EPB41L3: variants seen among roughly 807,000 people sequenced by gnomAD.
The protein encoded by EPB41L3 is erythrocyte membrane protein band 4.1 like 3.
A neutral mutation model predicts 127.1 loss-of-function variants in EPB41L3; 57 were observed. The ratio of observed to expected loss-of-function variants is 0.45; its 90% CI spans 0.36 to 0.56. The LOEUF is 0.56. Among genes scored for constraint, EPB41L3 ranks in the 20% least tolerant of loss-of-function variants. EPB41L3 has a pLI of 0.00. For missense variants in EPB41L3, 1,273 were observed against 1,372.2 expected (o/e 0.93, Z 1.14); for synonymous variants, 572 against 549.5 (o/e 1.04, Z -0.57).
intron 16 of EPB41L3, among the ~76,000 whole-genome samples, chr18:5,402,283 CCT>C (rs2074626028): frequency 6.7e-6 from 1 of 150,142 alleles, no homozygotes; most frequent in African/African-American, 2.4e-5. Context: ...TGTTTCTTTT[CCT>C]TTTTTTTTTG....
chr18:5,520,867 G>A (rs184653782), intron 1 of EPB41L3, among the ~76,000 whole-genome samples: 93 of 152,248 alleles, frequency 6.1e-4, no homozygotes, highest in African/African-American at 2.1e-3. Context: ...TTTAATACAA[G>A]AAACCTTTAA....
rs1162122623 is a variant in EPB41L3 at position 5,464,263 on chromosome 18, C to T, written c.381+13978G>A. 9.2e-5 allele frequency among the ~76,000 whole-genome samples: 14 copies of T among 152,142 alleles called. 1 individual carries two copies. The highest frequency in any genetic ancestry group is 9.2e-4 in the Admixed American group (14 of 15,268). On this transcript the variant is annotated intron_variant, in intron 3 of 22. Transcript: ENST00000341928. ...TACCTCTACAGGGATAGTCAGCTAA[C>T]ATTTTCTAACAATTAATATCTACCT... is the stretch of plus-strand genomic sequence containing the variant.
intron 3 of EPB41L3, among the ~76,000 whole-genome samples, chr18:5,455,295 A>G (rs1599159800): frequency 8.3e-6 from 1 of 119,906 alleles, no homozygotes; most frequent in African/African-American, 3.0e-5. Flanking sequence ...TACTCTTACG[A>G]AAAAAAAAAA....
At chr18:5,450,343 T>C (rs2082125077) in intron 3 of EPB41L3, among the ~76,000 whole-genome samples, 2 of 152,092 alleles carry the variant, frequency 1.3e-5, no homozygotes, top group Admixed American at 1.3e-4. Flanking sequence ...CTATGGACCT[T>C]AGTCAACAAT....
At chr18:5,456,734 T>G (rs1227741768) in intron 3 of EPB41L3, among the ~76,000 whole-genome samples, 1 of 152,242 alleles carries the variant, frequency 6.6e-6, no homozygotes, top group African/African-American at 2.4e-5. Context: ...CATTCCTCTA[T>G]CAGGGCATCC....
At chr18:5,474,882 T>C (rs1159711746) in intron 3 of EPB41L3, among the ~76,000 whole-genome samples, 1 of 152,212 alleles carries the variant, frequency 6.6e-6, no homozygotes, top group African/African-American at 2.4e-5. Flanking sequence ...ACCTACAGTT[T>C]CTACGGGAAC....
chr18:5,396,305 T>C lies in EPB41L3; in HGVS notation c.2869A>G (p.Ser957Gly). The change falls in exon 19 of 23, where the codon AGT (serine) becomes GGT (glycine). Residue 957 changes from serine to glycine, a missense_variant. Ser to Gly is a moderately conservative substitution (Grantham distance 56, BLOSUM62 0). Transcript: ENST00000341928. ...CCTCCCGGTGAAACACTGCCAAAAC[T>C]GATGGTTTCCGTCTTCACCGTTGAG... ...ESSTVKTETISFGSVSPGGVK... is the reference protein window; with the variant it reads ...ESSTVKTETIGFGSVSPGGVK... 1.2e-6 allele frequency: 2 copies of C among 1,614,222 alleles called. No homozygotes were observed. Among genetic ancestry groups the C allele is most frequent in the East Asian group, 2.2e-5 (1 of 44,884 alleles).
chr18:5,476,851 G>C (rs8095557), intron 3 of EPB41L3, among the ~76,000 whole-genome samples: 1,805 of 152,218 alleles, frequency 0.012, 31 homozygotes, highest in African/African-American at 0.041. Flanking sequence ...CCTAAGAAAT[G>C]AAACAAAATC....
intron 3 of EPB41L3, among the ~76,000 whole-genome samples, 191 bp downstream of exon 3, chr18:5,478,050 A>T (rs1386473479): frequency 6.6e-6 from 1 of 152,156 alleles, no homozygotes; most frequent in Non-Finnish European, 1.5e-5. Context: ...TGATTGTAAC[A>T]TTTTGGGACA....
chr18:5,467,798 G>A (rs1191392244), intron 3 of EPB41L3, among the ~76,000 whole-genome samples: 2 of 152,174 alleles, frequency 1.3e-5, no homozygotes, highest in African/African-American at 2.4e-5. Flanking sequence ...GTGGTGGCCT[G>A]ACTGGAGTGG....
chr18:5,475,588 T>C (rs2087016227), intron 3 of EPB41L3, among the ~76,000 whole-genome samples: 1 of 152,116 alleles, frequency 6.6e-6, no homozygotes, highest in Admixed American at 6.5e-5. Flanking sequence ...TCACGATGAG[T>C]TTGTAATGAA....
chr18:5,505,915 C>T (rs2092157641), intron 1 of EPB41L3, among the ~76,000 whole-genome samples: 1 of 150,888 alleles, frequency 6.6e-6, no homozygotes, highest in African/African-American at 2.4e-5. Context: ...CACCTCCATC[C>T]CCACCCTCCA....
At chr18:5,607,515 A>G (rs955585159) in intron 3 of EPB41L3, among the ~76,000 whole-genome samples, 1 of 152,200 alleles carries the variant, frequency 6.6e-6, no homozygotes, top group African/African-American at 2.4e-5. Context: ...AGCAGGAATT[A>G]CCTATTAGAG....
intron 3 of EPB41L3, among the ~76,000 whole-genome samples, chr18:5,597,367 G>C (rs2094547171): frequency 1.3e-5 from 2 of 152,148 alleles, no homozygotes; most frequent in African/African-American, 4.8e-5. Context: ...GCAGCCTCCA[G>C]TGTCCTGCTG....
At chr18:5,414,400 C>T (rs1163901919) in intron 13 of EPB41L3, among the ~76,000 whole-genome samples, 2 of 151,354 alleles carry the variant, frequency 1.3e-5, no homozygotes, top group Non-Finnish European at 2.9e-5. Context: ...TTACTTAAAA[C>T]ACCTGTGAGA....
intron 7 of EPB41L3, 129 bp downstream of exon 7, chr18:5,433,774 T>C (rs2079335487): frequency 3.7e-6 from 4 of 1,072,466 alleles, no homozygotes; most frequent in Non-Finnish European, 5.7e-6. Context: ...AATTTTACTG[T>C]GCATGGACCC....
At chr18:5,482,281 G>C (rs2088721472) in intron 2 of EPB41L3, among the ~76,000 whole-genome samples, 1 of 152,152 alleles carries the variant, frequency 6.6e-6, no homozygotes, top group Non-Finnish European at 1.5e-5. Context: ...GATTCAGTGA[G>C]CTCAAAGACC....
chr18:5,561,267 G>A (rs912320901), intron 3 of EPB41L3, among the ~76,000 whole-genome samples: 2 of 152,100 alleles, frequency 1.3e-5, no homozygotes, highest in Non-Finnish European at 2.9e-5. Flanking sequence ...GTGAGCCACC[G>A]CGCCTGGCCA....
At chr18:5,403,900 A>G (rs1344427345) in intron 16 of EPB41L3, among the ~76,000 whole-genome samples, 1 of 152,224 alleles carries the variant, frequency 6.6e-6, no homozygotes, top group Non-Finnish European at 1.5e-5. Context: ...TATGTTTTCT[A>G]TGTGCATAAC....
Sources: allele counts gnomAD v4.1 joint callset (sites outside exome capture counted in the v4.1 genomes callset), GRCh38; gene constraint gnomAD v4.1.1; transcripts MANE v1.5; gene names NCBI Gene and HGNC (gene_info 2026-07-23, HGNC 2026-07-21).